The following FAT3 variants were observed in gnomAD, a reference collection of about 807,000 sequenced individuals.
FAT3 encodes protocadherin Fat 3.
FAT3 carries 95 observed loss-of-function variants against 310.2 expected under a neutral mutation model. That is an observed-to-expected ratio of 0.31 (90% CI 0.26 to 0.36). The LOEUF (loss-of-function observed/expected upper bound fraction) is 0.36, where lower values mean the gene tolerates loss of function less well. Among genes scored for constraint, FAT3 ranks in the 10% least tolerant of loss-of-function variants. FAT3 has a pLI of 1.00. For missense variants in FAT3, 5,408 were observed against 5,715.6 expected (o/e 0.95, Z 1.74); for synonymous variants, 2,314 against 2,192.9 (o/e 1.06, Z -1.54).
chr11:92,623,086 G>A (rs550170310), intron 3 of FAT3, among the ~76,000 whole-genome samples: 4 of 149,792 alleles, frequency 2.7e-5, no homozygotes, highest in Admixed American at 1.3e-4. Flanking sequence ...AATCCTTGGC[G>A]TTCATCTCTG....
intron 3 of FAT3, among the ~76,000 whole-genome samples, chr11:92,620,494 C>T (rs1049921169): frequency 6.6e-6 from 1 of 152,146 alleles, no homozygotes; most frequent in African/African-American, 2.4e-5. Context: ...AAGCCCTGTG[C>T]TTGAAAACAT....
chr11:92,712,807 A>G (rs1411122795), intron 4 of FAT3, among the ~76,000 whole-genome samples: 6 of 152,354 alleles, frequency 3.9e-5, no homozygotes, highest in African/African-American at 1.2e-4. Flanking sequence ...AACACCATCT[A>G]TAAGGTTGCC....
intron 3 of FAT3, among the ~76,000 whole-genome samples, chr11:92,636,090 A>G (rs1941758877): frequency 6.6e-6 from 1 of 152,072 alleles, no homozygotes; most frequent in South Asian, 2.1e-4. Flanking sequence ...CAGCCTCCCG[A>G]GTAACTGGGA....
In FAT3 at chr11:92,800,119, G is replaced by A; in HGVS notation, c.7106G>A (p.Ser2369Asn). 1 of 1,613,992 alleles carries A rather than the reference G, an allele frequency of 6.2e-7. No individual in the cohort carries two copies. The highest frequency in any genetic ancestry group is 8.5e-7 in the Non-Finnish European group (1 of 1,179,872). Residue 2369 changes from serine (S) to asparagine (N), a missense_variant, in exon 10 of 28, where the codon AGT becomes AAT. By Grantham distance (46) the Ser-to-Asn change is conservative. This residue lies in a region of FAT3 where 4,588 missense variants were observed against 4,809.8 expected (regional missense o/e 0.95). Transcript: ENST00000525166. Reference protein sequence around the residue: ...HCTLKVRSIDSGFPSLSSEVL... With the variant: ...HCTLKVRSIDNGFPSLSSEVL... Reference sequence around the variant, plus strand: ...ACTTTGAAAGTCAGATCAATAGATAGTGGCTTCCCATCACTGAGCAGTGAG... The same window carrying A: ...ACTTTGAAAGTCAGATCAATAGATAATGGCTTCCCATCACTGAGCAGTGAG...
chr11:92,413,876 C>T (rs1039369879), intron 2 of FAT3, among the ~76,000 whole-genome samples: 7 of 152,138 alleles, frequency 4.6e-5, no homozygotes, highest in African/African-American at 7.2e-5. Flanking sequence ...AGTCCTCTCA[C>T]GAAACAGACA....
chr11:92,483,397 G>A (rs996806683), intron 2 of FAT3, among the ~76,000 whole-genome samples: 8 of 151,426 alleles, frequency 5.3e-5, no homozygotes, highest in African/African-American at 1.7e-4. Context: ...GTGCAATGGC[G>A]CGATCTCAGC....
chr11:92,614,737 T>C (rs1467739889), intron 3 of FAT3, among the ~76,000 whole-genome samples: 1 of 152,218 alleles, frequency 6.6e-6, no homozygotes, highest in Non-Finnish European at 1.5e-5. Context: ...TTATCTTCTT[T>C]CTTTTCTCAC....
chr11:92,438,617 CG>C (rs1169720057), intron 2 of FAT3, among the ~76,000 whole-genome samples: 1 of 151,932 alleles, frequency 6.6e-6, no homozygotes, highest in African/African-American at 2.4e-5. Context: ...ATTTCATAAT[CG>C]AAACAATTTT....
intron 3 of FAT3, among the ~76,000 whole-genome samples, chr11:92,592,889 A>G (rs981489271): frequency 6.6e-6 from 1 of 152,158 alleles, no homozygotes; most frequent in African/African-American, 2.4e-5. Flanking sequence ...TATTACGTAT[A>G]TTCACATTGT....
At chr11:92,843,855 C>T (rs571557691) in intron 18 of FAT3, 79 bp from the exon 19 acceptor site, 7 of 1,332,066 alleles carry the variant, frequency 5.3e-6, no homozygotes, top group Non-Finnish European at 7.3e-6. Flanking sequence ...GTACAGACGT[C>T]TTCTATCTGC....
At chr11:92,661,837 G>A (rs906835736) in intron 3 of FAT3, among the ~76,000 whole-genome samples, 1 of 151,970 alleles carries the variant, frequency 6.6e-6, no homozygotes, top group Non-Finnish European at 1.5e-5. Flanking sequence ...TAGTTCAGGT[G>A]GAGATTGTGA....
At chr11:92,315,510 TATAGAGAGAG>T (rs1326670470) in intron 1 of FAT3, among the ~76,000 whole-genome samples, 196 of 78,114 alleles carry the variant, frequency 2.5e-3, no homozygotes, top group Middle Eastern at 7.9e-3. Flanking sequence ...TATATATATA[TATAGAGAGAG>T]AGAGAGAGAG....
intron 3 of FAT3, among the ~76,000 whole-genome samples, chr11:92,683,288 C>T (rs1943540763): frequency 6.6e-6 from 1 of 152,160 alleles, no homozygotes; most frequent in African/African-American, 2.4e-5. Flanking sequence ...TGACTGATTG[C>T]ATGCCCCTAA....
chr11:92,698,624 T>G (rs1944009834), intron 4 of FAT3, among the ~76,000 whole-genome samples: 1 of 152,144 alleles, frequency 6.6e-6, no homozygotes, highest in Non-Finnish European at 1.5e-5. Flanking sequence ...CATACAATAC[T>G]ATGATAATCC....
intron 4 of FAT3, among the ~76,000 whole-genome samples, chr11:92,722,274 A>G (rs1447345075): frequency 6.6e-6 from 1 of 152,196 alleles, no homozygotes; most frequent in Non-Finnish European, 1.5e-5. Context: ...AAGGGGTTAC[A>G]GGCCCCCTGC....
intron 3 of FAT3, among the ~76,000 whole-genome samples, chr11:92,679,358 G>A (rs957683251): frequency 7.2e-5 from 11 of 151,726 alleles, no homozygotes; most frequent in African/African-American, 2.7e-4. Flanking sequence ...CTATTTTTAG[G>A]TATTTGAGAA....
chr11:92,586,489 G>A (rs955038512), intron 3 of FAT3, among the ~76,000 whole-genome samples: 1 of 151,962 alleles, frequency 6.6e-6, no homozygotes, highest in African/African-American at 2.4e-5. Context: ...TTTAAAAGGT[G>A]TCTCTGAGTG....
At chr11:92,727,175 C>T (rs1271948688) in intron 4 of FAT3, among the ~76,000 whole-genome samples, 1 of 152,034 alleles carries the variant, frequency 6.6e-6, no homozygotes, top group Admixed American at 6.6e-5. Flanking sequence ...GCAAACTGGT[C>T]GTTTTATATA....
intron 3 of FAT3, among the ~76,000 whole-genome samples, chr11:92,604,703 C>T (rs927789509): frequency 6.6e-6 from 1 of 152,190 alleles, no homozygotes; most frequent in African/African-American, 2.4e-5. Context: ...TTGCCCTGCT[C>T]CCAACAGCAG....
Sources: gnomAD v4.1 joint callset for allele counts (sites outside exome capture counted in the v4.1 genomes callset) on GRCh38, gnomAD v4.1.1 for gene constraint, gnomAD v4.1.1 regional missense constraint, MANE v1.5 for transcripts, NCBI Gene and HGNC (gene_info 2026-07-23, HGNC 2026-07-21) for gene names.